The following LRP11 variants were observed in gnomAD, a reference collection of about 807,000 sequenced individuals.
The protein encoded by LRP11 is low-density lipoprotein receptor-related protein 11.
Under a neutral mutation model 43.1 loss-of-function variants are expected in LRP11, and 25 were observed. That is an observed-to-expected ratio of 0.58 (90% confidence interval 0.42 to 0.81). The LOEUF is 0.81. Ranked by LOEUF, LRP11 falls within the 30% of genes least tolerant of loss-of-function variation. The pLI is 0.00. For synonymous variants in LRP11, 316 were observed against 299.4 expected (o/e 1.06, Z -0.57); for missense variants, 623 against 665.1 (o/e 0.94, Z 0.70).
chr6:149,861,280 C>T (rs1396333705), intron 1 of LRP11, among the ~76,000 whole-genome samples: 1 of 152,196 alleles, frequency 6.6e-6, no homozygotes, highest in Non-Finnish European at 1.5e-5. Flanking sequence ...GCAGAGAGAA[C>T]AAATGAGCCT....
chr6:149,830,435 TA>T (rs1247920355), intron 5 of LRP11, among the ~76,000 whole-genome samples: 1 of 152,232 alleles, frequency 6.6e-6, no homozygotes, highest in East Asian at 1.9e-4. Flanking sequence ...CATTGAACCA[TA>T]CTGCTCTCAA....
intron 1 of LRP11, among the ~76,000 whole-genome samples, chr6:149,858,223 T>C (rs9478995): frequency 0.15 from 23,175 of 152,088 alleles, 5,135 homozygotes; most frequent in African/African-American, 0.49. Context: ...CGACAGGCCC[T>C]GGTGTGTGAT....
intron 3 of LRP11, among the ~76,000 whole-genome samples, chr6:149,840,423 C>T (rs543103459): frequency 1.3e-5 from 2 of 152,274 alleles, no homozygotes; most frequent in African/African-American, 4.8e-5. Flanking sequence ...AAATGATTCA[C>T]ACACCACTCT....
Position 149,819,034 on chromosome 6 carries a change from A to T in LRP11, c.*1515T>A, listed in dbSNP as rs1033360442. On this transcript the variant is annotated 3_prime_UTR_variant, in exon 7 of 7. Coordinates refer to ENST00000239367, the MANE Select transcript of LRP11 (RefSeq NM_032832.6). ...ACAGACATCTTAAGTTCATTCACAA[A>T]GTTAATTTTTCTAAACTGCCCTTCA... The T allele has an allele frequency of 2.0e-5, 3 of 152,596 alleles. No homozygotes were observed. Among genetic ancestry groups the T allele is most frequent in the Admixed American group, 6.5e-5 (1 of 15,284 alleles). The allele number at this position is 152,596 out of a possible 1,614,324, so 9.5% of individuals were successfully genotyped here. A position where few individuals can be genotyped will look rare whatever the true frequency, so the allele number is the denominator to read the frequency against.
At chr6:149,855,670 C>G (rs979098873) in intron 1 of LRP11, among the ~76,000 whole-genome samples, 1 of 149,896 alleles carries the variant, frequency 6.7e-6, no homozygotes, top group African/African-American at 2.5e-5. Context: ...AATGAGAATG[C>G]TGCTGCCAGC....
chr6:149,836,834 G>GAAAA (rs3036662), intron 4 of LRP11, among the ~76,000 whole-genome samples: 64,182 of 150,936 alleles, frequency 0.43, 14,522 homozygotes, highest in East Asian at 0.81. Context: ...AGAAAGAAAA[G>GAAAA]AAAAAAGAAA....
chr6:149,821,421 C>G (rs184511561), intron 6 of LRP11, among the ~76,000 whole-genome samples: 30 of 152,328 alleles, frequency 2.0e-4, no homozygotes, highest in Non-Finnish European at 4.1e-4. Context: ...TAAGTATGAA[C>G]TAACTCCTGA....
At chr6:149,846,339 A>C (rs1299452573) in intron 2 of LRP11, among the ~76,000 whole-genome samples, 1 of 152,134 alleles carries the variant, frequency 6.6e-6, no homozygotes, top group Admixed American at 6.6e-5. Flanking sequence ...AACACAAGGG[A>C]GCATGGCTGC....
intron 3 of LRP11, chr6:149,842,545 C>T (rs924796116): frequency 8.7e-7 from 1 of 1,152,802 alleles, no homozygotes; most frequent in African/African-American, 1.5e-5. Flanking sequence ...ACCAGCGTCT[C>T]TCCTTTCCCA....
At chr6:149,820,816 T>G in intron 6 of LRP11, 113 bp from the exon 7 acceptor site, 1 of 602,108 alleles carries the variant, frequency 1.7e-6, no homozygotes, top group Non-Finnish European at 3.0e-6. Flanking sequence ...TCCAAACAAA[T>G]TGTTATTAGT....
chr6:149,863,878 A>G lies in LRP11; in HGVS notation c.143T>C (p.Leu48Pro), dbSNP rs771219091. 4 of 1,497,868 alleles carry G rather than the reference A, an allele frequency of 2.7e-6. No homozygotes were observed. The highest frequency in any genetic ancestry group is 3.5e-6 in the Non-Finnish European group (4 of 1,131,848). The allele number at this position is 1,497,868 out of a possible 1,614,324, so 92.8% of individuals were successfully genotyped here. A position where few individuals can be genotyped will look rare whatever the true frequency, so the allele number is the denominator to read the frequency against. The part of the protein sequence containing the change: ...ALPPAAPLSE[L>P]HAQLSGVEQL... ...CTCCACGCCCGACAGCTGCGCGTGC[A>G]GTTCGGACAGCGGCGCCGCGGGCGG... The change falls in exon 1 of 7, where the codon CTG becomes CCG. Residue 48 changes from leucine (L) to proline (P), a missense_variant. Coordinates refer to ENST00000239367, the MANE Select transcript of LRP11 (RefSeq NM_032832.6).
chr6:149,824,680 C>A (rs1014749224), intron 6 of LRP11, among the ~76,000 whole-genome samples: 1 of 152,000 alleles, frequency 6.6e-6, no homozygotes, highest in Non-Finnish European at 1.5e-5. Flanking sequence ...GCCAACATGG[C>A]AAAACCCCAT....
intron 6 of LRP11, among the ~76,000 whole-genome samples, chr6:149,823,308 A>C (rs1026220230): frequency 6.6e-6 from 1 of 152,176 alleles, no homozygotes; most frequent in African/African-American, 2.4e-5. Flanking sequence ...TTTACACATT[A>C]AGAAATCTGA....
At chr6:149,851,981 C>G (rs1776726176) in intron 2 of LRP11, among the ~76,000 whole-genome samples, 1 of 152,126 alleles carries the variant, frequency 6.6e-6, no homozygotes. Flanking sequence ...CTTATAAAAC[C>G]AGCAGATCTT....
At chr6:149,833,494 GAA>G (rs1776435041) in intron 5 of LRP11, among the ~76,000 whole-genome samples, 1 of 152,232 alleles carries the variant, frequency 6.6e-6, no homozygotes, top group South Asian at 2.1e-4. Context: ...TCATGAGTAA[GAA>G]AAAAGTTTTA....
chr6:149,863,995 G>C lies in LRP11; in HGVS notation c.26C>G (p.Ala9Gly), dbSNP rs1776992195. The C allele has an allele frequency of 3.6e-6, 5 of 1,392,254 alleles. No individual in the cohort carries two copies. The highest frequency in any genetic ancestry group is 4.6e-6 in the Non-Finnish European group (5 of 1,080,786). The allele number at this position is 1,392,254 out of a possible 1,614,324, so 86.2% of individuals were successfully genotyped here. A position where few individuals can be genotyped will look rare whatever the true frequency, so the allele number is the denominator to read the frequency against. Residue 9 changes from alanine (A) to glycine (G), a missense_variant, in exon 1 of 7, where the codon GCG becomes GGG. Transcript: ENST00000239367. MASVAQES[A>G]GSQRRLPPRH... is the part of the protein sequence containing the mutation. ...CGGCGGTAGCCGGCGCTGCGAGCCC[G>C]CGCTCTCCTGGGCGACGGAGGCCAT...
rs1776749935 is a variant in LRP11 at position 149,853,232 on chromosome 6, T to C, written c.614-72A>G. On this transcript the variant is annotated intron_variant, in intron 1 of 6. Coordinates refer to ENST00000239367, the MANE Select transcript of LRP11 (RefSeq NM_032832.6). ...TCTAATTTATGGAGAGGTATCTTGT[T>C]TGCTGAATAGATATGATTCGGCAAA... The C allele has an allele frequency of 4.0e-6, 5 of 1,261,458 alleles. No individual in the cohort carries two copies. The South Asian group carries it at 8.4e-5, about 21-fold the overall frequency. The allele number at this position is 1,261,458 out of a possible 1,614,324, so 78.1% of individuals were successfully genotyped here. A position where few individuals can be genotyped will look rare whatever the true frequency, so the allele number is the denominator to read the frequency against.
In LRP11 at chr6:149,836,230, C is replaced by T. The variant is rs73610594; in HGVS notation, c.1107G>A (p.Pro369=). The change falls in exon 5 of 7, where the codon CCG becomes CCA. Residue 369 remains proline (P), a synonymous_variant. Transcript: ENST00000239367. Reference sequence around the variant, plus strand: ...AGGAGTCACCCCCTGCATCTTCACTCGGCCCTGTGGTTCTTGGCAGGGCAG... The same window carrying T: ...AGGAGTCACCCCCTGCATCTTCACTTGGCCCTGTGGTTCTTGGCAGGGCAG... The part of the protein sequence containing the change: ...ASPALPRTTG[P]SEDAGGDSLV... 1,492 of 1,614,174 alleles carry T rather than the reference C, an allele frequency of 9.2e-4. 20 individuals are homozygous for T. The African/African-American group carries it at 0.018, about 20-fold the overall frequency.
intron 1 of LRP11, among the ~76,000 whole-genome samples, chr6:149,856,560 G>C (rs1038232358): frequency 1.3e-5 from 2 of 152,074 alleles, no homozygotes. Flanking sequence ...TGCTAATGAA[G>C]AACAAAATAT....
Sources: gnomAD v4.1 joint callset for allele counts (sites outside exome capture counted in the v4.1 genomes callset) on GRCh38, gnomAD v4.1.1 for gene constraint, MANE v1.5 for transcripts, NCBI Gene and HGNC (gene_info 2026-07-23, HGNC 2026-07-21) for gene names.